The following DSCAM variants were observed in gnomAD, a reference collection of about 807,000 sequenced individuals.
The protein encoded by DSCAM is DS cell adhesion molecule.
Under a neutral mutation model 217.7 loss-of-function variants are expected in DSCAM, and 47 were observed. That is an observed-to-expected ratio of 0.22 (90% confidence interval 0.17 to 0.28). The LOEUF (loss-of-function observed/expected upper bound fraction) is 0.28, where lower values mean the gene tolerates loss of function less well. DSCAM is among the 10% of genes least tolerant of loss of function. DSCAM has a pLI of 1.00. For synonymous variants in DSCAM, 1,056 were observed against 1,015.3 expected (o/e 1.04, Z -0.76); for missense variants, 2,080 against 2,618.3 (o/e 0.79, Z 4.49).
At chr21:40,820,232 T>A (rs189973381) in intron 1 of DSCAM, among the ~76,000 whole-genome samples, 1 of 151,986 alleles carries the variant, frequency 6.6e-6, no homozygotes, top group Admixed American at 6.5e-5. Context: ...AATGATAAAC[T>A]AGATAAAGAA....
chr21:40,179,064 T>G lies in DSCAM; in HGVS notation c.2810A>C (p.Asp937Ala). 6.2e-7 allele frequency: 1 copy of G among 1,613,826 alleles called. No individual in the cohort carries two copies. The highest frequency in any genetic ancestry group is 8.5e-7 in the Non-Finnish European group (1 of 1,179,958). The part of the protein sequence containing the change: ...DSWDSAQRTK[D>A]VSPQLNSATI... ...GGCCGAGTTCAGCTGAGGGGAAACATCTTTGGTTCTCTGAGCAGAATCCCA... is the reference window on the plus strand; with the variant it reads ...GGCCGAGTTCAGCTGAGGGGAAACAGCTTTGGTTCTCTGAGCAGAATCCCA... Residue 937 changes from aspartate to alanine, a missense_variant, in exon 15 of 33, where the codon GAT (aspartate) becomes GCT (alanine). Asp to Ala is a moderately radical substitution (Grantham distance 126, BLOSUM62 -2). This residue lies in a region of DSCAM where 1,144 missense variants were observed against 1,421.1 expected (regional missense o/e 0.81). Transcript: ENST00000400454.
At chr21:40,709,170 C>G (rs1383676356) in intron 1 of DSCAM, among the ~76,000 whole-genome samples, 2 of 152,116 alleles carry the variant, frequency 1.3e-5, no homozygotes, top group African/African-American at 4.8e-5. Context: ...CCACTATTAC[C>G]TGGAGCATAG....
chr21:40,805,116 T>G (rs780781376), intron 1 of DSCAM, among the ~76,000 whole-genome samples: 12 of 152,208 alleles, frequency 7.9e-5, no homozygotes, highest in Non-Finnish European at 1.6e-4. Context: ...CCACCCTTGC[T>G]CCTCTCAAAT....
rs2076702962 is a variant in DSCAM, at chr21:40,559,781, TC to T, written c.508+133028del. On this transcript the variant is annotated intron_variant, in intron 3 of 32. Coordinates refer to ENST00000400454, the MANE Select transcript of DSCAM (RefSeq NM_001389.5). ...GGCTGTTTTGATGCTTTTAAAATTT[TC>T]TGTCTTTTTTTTTTTTTTTTTTTTC... Among the ~76,000 whole-genome samples the T allele has an allele frequency of 1.7e-4, 20 of 119,950 alleles. No individual in the cohort carries two copies. The East Asian group carries it at 2.0e-3, about 12-fold the overall frequency. 78.7% of individuals were successfully genotyped at this position (119,950 alleles called of 152,430 possible).
intron 3 of DSCAM, among the ~76,000 whole-genome samples, chr21:40,390,337 C>A (rs2075122793): frequency 6.6e-6 from 1 of 152,126 alleles, no homozygotes; most frequent in Non-Finnish European, 1.5e-5. Flanking sequence ...CCGTAATAGC[C>A]AATCAAGAGA....
rs192545660 is a variant in DSCAM, at chr21:40,089,114, C to T, written c.3851-1827G>A. Among the ~76,000 whole-genome samples the T allele has an allele frequency of 7.4e-3, 1,121 of 151,584 alleles. 9 individuals are homozygous for T. Among genetic ancestry groups the T allele is most frequent in the Non-Finnish European group, 0.01 (701 of 67,762 alleles). On this transcript the variant is annotated intron_variant, in intron 21 of 32. Coordinates refer to ENST00000400454, the MANE Select transcript of DSCAM (RefSeq NM_001389.5). ...TTTTCCATTAGCAATTTAAAAAATACAAGCTAGAGCTACTTCATCTTCAAG... is the reference window on the plus strand; with the variant it reads ...TTTTCCATTAGCAATTTAAAAAATATAAGCTAGAGCTACTTCATCTTCAAG...
At chr21:40,690,103 C>T (rs1209217082) in intron 3 of DSCAM, among the ~76,000 whole-genome samples, 1 of 152,194 alleles carries the variant, frequency 6.6e-6, no homozygotes, top group Non-Finnish European at 1.5e-5. Context: ...TATAACCCTT[C>T]TCCACCTAAA....
chr21:40,042,278 T>C (rs1341066744), intron 32 of DSCAM, 93 bp downstream of exon 32: 2 of 1,413,406 alleles, frequency 1.4e-6, no homozygotes, highest in East Asian at 4.6e-5. Flanking sequence ...CCATTTGGTC[T>C]GAACACTGAG....
At chr21:40,285,066 A>G (rs2073808491) in intron 10 of DSCAM, among the ~76,000 whole-genome samples, 1 of 151,974 alleles carries the variant, frequency 6.6e-6, no homozygotes, top group Non-Finnish European at 1.5e-5. Context: ...TTTTTTTTAA[A>G]TCAGCCAGAG....
chr21:40,680,545 G>A (rs568593559), intron 3 of DSCAM, among the ~76,000 whole-genome samples: 1 of 124,690 alleles, frequency 8.0e-6, no homozygotes, highest in Non-Finnish European at 1.8e-5. Flanking sequence ...GAGCACACAG[G>A]ATCTGTGTAT....
Position 40,078,815 on chromosome 21 carries a change from G to A in DSCAM, c.4583C>T (p.Ser1528Phe). 6.2e-7 allele frequency: 1 copy of A among 1,614,244 alleles called. No individual in the cohort carries two copies. Among genetic ancestry groups the A allele is most frequent in the Non-Finnish European group, 8.5e-7 (1 of 1,180,038 alleles). Residue 1528 changes from serine to phenylalanine, a missense_variant, in exon 26 of 33, where the codon TCT (serine) becomes TTT (phenylalanine). This residue lies in a region of DSCAM where 1,144 missense variants were observed against 1,421.1 expected (regional missense o/e 0.81). Transcript: ENST00000400454. ...TTVWTTAQRT[S>F]LSKSYILYDL... ...ATACAGGATGTAGGACTTGGAGAGA[G>A]AGGTCCTCTGAGCTGTGGTCCAAAC... is the stretch of plus-strand genomic sequence containing the variant.
chr21:40,248,505 T>C (rs2073258113), intron 11 of DSCAM, among the ~76,000 whole-genome samples: 1 of 152,164 alleles, frequency 6.6e-6, no homozygotes, highest in African/African-American at 2.4e-5. Context: ...TTTGCTAAAA[T>C]ATTATAAGTG....
At chr21:40,822,447 T>C (rs1283505680) in intron 1 of DSCAM, among the ~76,000 whole-genome samples, 2 of 150,880 alleles carry the variant, frequency 1.3e-5, no homozygotes, top group African/African-American at 4.9e-5. Context: ...CTGTTTTTTT[T>C]TAAAAAAAAA....
intron 1 of DSCAM, among the ~76,000 whole-genome samples, chr21:40,787,198 T>C (rs138374473): frequency 1.3e-5 from 2 of 152,358 alleles, no homozygotes; most frequent in African/African-American, 4.8e-5. Flanking sequence ...AAAAGTGATG[T>C]CAATCTTAAA....
At chr21:40,512,193 T>C (rs565255084) in intron 3 of DSCAM, among the ~76,000 whole-genome samples, 81 of 152,148 alleles carry the variant, frequency 5.3e-4, no homozygotes, top group Admixed American at 1.8e-3. Flanking sequence ...CGATTACACA[T>C]AAGAAGAAAT....
chr21:40,370,677 G>C (rs2074887578), intron 3 of DSCAM, among the ~76,000 whole-genome samples: 1 of 151,932 alleles, frequency 6.6e-6, no homozygotes, highest in Non-Finnish European at 1.5e-5. Flanking sequence ...CTGTGGTGCA[G>C]TGGTATCATC....
chr21:40,757,571 G>A (rs1051137055), intron 1 of DSCAM, among the ~76,000 whole-genome samples: 1 of 152,172 alleles, frequency 6.6e-6, no homozygotes, highest in Non-Finnish European at 1.5e-5. Flanking sequence ...TGAGCATTGT[G>A]GCTTCCTGGG....
At chr21:40,585,589 C>T (rs993511010) in intron 3 of DSCAM, among the ~76,000 whole-genome samples, 1 of 151,956 alleles carries the variant, frequency 6.6e-6, no homozygotes, top group Non-Finnish European at 1.5e-5. Context: ...ATTATTCCAC[C>T]CACCTCTCAG....
intron 3 of DSCAM, among the ~76,000 whole-genome samples, chr21:40,512,641 C>T (rs1172573674): frequency 6.6e-6 from 1 of 152,048 alleles, no homozygotes; most frequent in Non-Finnish European, 1.5e-5. Context: ...ATGATAGAAA[C>T]TGTTGTCCAT....
Sources: gnomAD v4.1 joint callset for allele counts (sites outside exome capture counted in the v4.1 genomes callset) on GRCh38, gnomAD v4.1.1 for gene constraint, gnomAD v4.1.1 regional missense constraint, MANE v1.5 for transcripts, NCBI Gene and HGNC (gene_info 2026-07-23, HGNC 2026-07-21) for gene names.